Variants in GPR89B observed in about 807,000 individuals in gnomAD.
GPR89B encodes golgi pH regulator B.
In GPR89B, 25 loss-of-function variants were observed where a neutral mutation model predicts 52.4. That is an observed-to-expected ratio of 0.48 (90% CI 0.35 to 0.67). The LOEUF (loss-of-function observed/expected upper bound fraction) is 0.67. GPR89B is among the 30% of genes least tolerant of loss of function. The probability of loss-of-function intolerance (pLI) is 0.01; values close to 1 mark genes in which losing one functional copy is unlikely to be tolerated. For synonymous variants in GPR89B, 52 were observed against 151.2 expected (o/e 0.34, Z 4.81); for missense variants, 146 against 450.2 (o/e 0.32, Z 6.11).
At chr1:147,946,041 T>A (rs1341936151) in intron 5 of GPR89B, among the ~76,000 whole-genome samples, 1 of 151,740 alleles carries the variant, frequency 6.6e-6, no homozygotes, top group Non-Finnish European at 1.5e-5. Flanking sequence ...TTTCTAGAGC[T>A]GTTCTATCAG....
At chr1:147,981,149 A>C (rs1658217205) in intron 10 of GPR89B, among the ~76,000 whole-genome samples, 1 of 149,476 alleles carries the variant, frequency 6.7e-6, no homozygotes, top group South Asian at 2.1e-4. Flanking sequence ...TTTTTAAGGT[A>C]CATCCATGTC....
At chr1:147,957,930 G>A (rs1314991403) in intron 7 of GPR89B, among the ~76,000 whole-genome samples, 2 of 151,472 alleles carry the variant, frequency 1.3e-5, no homozygotes, top group African/African-American at 4.9e-5. Flanking sequence ...CGGGCGTGGT[G>A]GTGGGCGCCT....
rs587714186 is a variant in GPR89B, at chr1:147,947,376, G to GA, written c.415+3289dup. ...GATAAGACCAATCCTTATGTAAAATGAAAAAAAAAAATCTGTAAAAGTACT... is the reference window on the plus strand; with the variant it reads ...GATAAGACCAATCCTTATGTAAAATGAAAAAAAAAAAATCTGTAAAAGTACT... On this transcript the variant is annotated intron_variant, in intron 5 of 13. Transcript: ENST00000314163. Among the ~76,000 whole-genome samples, 84 of 144,240 alleles carry GA rather than the reference G, an allele frequency of 5.8e-4. No homozygotes were observed. The Middle Eastern group carries it at 0.01, about 18-fold the overall frequency. The allele number at this position is 144,240 out of a possible 152,430, so 94.6% of individuals were successfully genotyped here.
At chr1:148,015,949 T>C in the GPR89B span, among the ~76,000 whole-genome samples, 4 of 152,012 alleles carry the variant, frequency 2.6e-5, no homozygotes, top group African/African-American at 9.7e-5. Context: ...CCTTTTTAAC[T>C]GAACACAGTC....
chr1:147,935,788 A>C (rs7413990), intron 1 of GPR89B, among the ~76,000 whole-genome samples: 1 of 151,626 alleles, frequency 6.6e-6, no homozygotes, highest in African/African-American at 2.4e-5. Context: ...AGGCTGGAGC[A>C]CAGTGGTGCA....
chr1:147,999,209 A>G, the GPR89B span, among the ~76,000 whole-genome samples: 1 of 151,128 alleles, frequency 6.6e-6, no homozygotes, highest in Non-Finnish European at 1.5e-5. Flanking sequence ...CTTTCCACCA[A>G]CTGCAAAATG....
intron 1 of GPR89B, chr1:147,928,843 G>C (rs1260566440): frequency 5.6e-6 from 1 of 178,342 alleles, no homozygotes; most frequent in African/African-American, 2.4e-5. Context: ...GCGGTCCGCC[G>C]ACCTCCAGGC....
chr1:147,985,636 GT>G (rs1222776826), intron 10 of GPR89B, among the ~76,000 whole-genome samples: 39 of 145,554 alleles, frequency 2.7e-4, no homozygotes, highest in South Asian at 6.6e-4. Context: ...TGATGTGGTT[GT>G]TTTTTTTTTT....
chr1:148,013,028 A>G, the GPR89B span, among the ~76,000 whole-genome samples: 8 of 152,234 alleles, frequency 5.3e-5, no homozygotes, highest in African/African-American at 1.9e-4. Flanking sequence ...GACAATACTG[A>G]TGATTCAGAT....
chr1:147,933,360 A>G (rs1553247378), intron 1 of GPR89B, among the ~76,000 whole-genome samples: 2 of 151,428 alleles, frequency 1.3e-5, no homozygotes, highest in African/African-American at 4.9e-5. Context: ...TGTTTTCCTT[A>G]TCCTCTAGTG....
chr1:147,955,483 A>G (rs1656049569), intron 7 of GPR89B, among the ~76,000 whole-genome samples: 2 of 151,996 alleles, frequency 1.3e-5, no homozygotes, highest in African/African-American at 2.4e-5. Flanking sequence ...GAACCTCCAC[A>G]CTATTTTCCA....
chr1:148,025,007 T>C, the GPR89B span, among the ~76,000 whole-genome samples: 1 of 151,936 alleles, frequency 6.6e-6, no homozygotes, highest in Admixed American at 6.5e-5. Context: ...AGTCAAGAAT[T>C]CACATTATGC....
chr1:147,943,837 G>C, intron 4 of GPR89B, 160 bp from the exon 5 acceptor site: 1 of 817,322 alleles, frequency 1.2e-6, no homozygotes, highest in Non-Finnish European at 1.9e-6. Flanking sequence ...TTTCTCTTAC[G>C]ATGGTAAGGA....
intron 7 of GPR89B, among the ~76,000 whole-genome samples, chr1:147,960,189 T>A (rs1173304332): frequency 2.6e-5 from 4 of 151,958 alleles, no homozygotes; most frequent in African/African-American, 9.7e-5. Flanking sequence ...GCCAAAAAAA[T>A]TAACAATTCT....
chr1:147,995,406 A>G (rs1443894113), downstream of GPR89B, among the ~76,000 whole-genome samples: 11 of 151,484 alleles, frequency 7.3e-5, no homozygotes, highest in African/African-American at 2.7e-4. Flanking sequence ...CATGCTATGA[A>G]AGTAAGAAAT....
At chr1:147,992,315 G>A (rs1659126903) in intron 12 of GPR89B, among the ~76,000 whole-genome samples, 187 bp from the exon 13 acceptor site, 1 of 146,696 alleles carries the variant, frequency 6.8e-6, no homozygotes, top group Non-Finnish European at 1.5e-5. Context: ...ACCCCCAGGG[G>A]GAAAGTATAA....
intron 7 of GPR89B, among the ~76,000 whole-genome samples, chr1:147,957,908 C>T (rs1474702916): frequency 6.6e-6 from 1 of 151,580 alleles, no homozygotes; most frequent in African/African-American, 2.4e-5. Flanking sequence ...ACTAAAGATA[C>T]AAAAAAGTAG....
At chr1:147,969,277 T>G (rs1657250782) in intron 9 of GPR89B, 1 of 386,242 alleles carries the variant, frequency 2.6e-6, no homozygotes, top group African/African-American at 2.1e-5. Context: ...TTTTATTCCT[T>G]TATAAGTTAG....
chr1:148,008,361 C>T, the GPR89B span, among the ~76,000 whole-genome samples: 46 of 152,126 alleles, frequency 3.0e-4, no homozygotes, highest in Admixed American at 8.5e-4. Context: ...GCTTCTAAGA[C>T]GTGCCAAGCT....
Sources: gnomAD v4.1 joint callset for allele counts (sites outside exome capture counted in the v4.1 genomes callset) on GRCh38, gnomAD v4.1.1 for gene constraint, MANE v1.5 for transcripts, NCBI Gene and HGNC (gene_info 2026-07-23, HGNC 2026-07-21) for gene names.